The following WWOX variants were observed in gnomAD, a reference collection of about 807,000 sequenced individuals.
WWOX encodes WW domain-containing oxidoreductase.
Under a neutral mutation model 46.2 loss-of-function variants are expected in WWOX, and 69 were observed. The ratio of observed to expected loss-of-function variants is 1.49; its 90% CI spans 1.23 to 1.82. The LOEUF is 1.82. Among genes scored for constraint, WWOX ranks in the 40% most tolerant of loss-of-function variants. WWOX has a pLI of 0.00. For missense variants in WWOX, 919 were observed against 542.6 expected (o/e 1.69, Z -6.89); for synonymous variants, 359 against 202.6 (o/e 1.77, Z -6.56).
rs118028222 is a variant in WWOX at position 78,289,121 on chromosome 16, C to T, written c.517-97739C>T. 4.1e-3 allele frequency among the ~76,000 whole-genome samples: 619 copies of T among 152,226 alleles called. 5 individuals are homozygous for T. Among genetic ancestry groups the T allele is most frequent in the Non-Finnish European group, 5.9e-3 (399 of 68,010 alleles). The stretch of plus-strand genomic sequence containing the variant: ...CCTGGCTGGAAGTCTTGCTGGGAAC[C>T]TGGAGCGCTGGGAGGTAAAACTTTA... On this transcript the variant is annotated intron_variant, in intron 5 of 8. Transcript: ENST00000566780.
intron 4 of WWOX, among the ~76,000 whole-genome samples, chr16:78,161,621 T>G (rs1017699193): frequency 6.6e-6 from 1 of 152,124 alleles, no homozygotes; most frequent in African/African-American, 2.4e-5. Flanking sequence ...TATTTCTTTT[T>G]TAATTTTAAT....
At chr16:78,388,645 C>CAAA (rs59881601) in intron 6 of WWOX, among the ~76,000 whole-genome samples, 17 of 53,046 alleles carry the variant, frequency 3.2e-4, no homozygotes, top group South Asian at 2.0e-3. Flanking sequence ...GACTCCGTCT[C>CAAA]AAAAAAAAAA....
At chr16:78,817,852 C>A (rs985980854) in intron 8 of WWOX, among the ~76,000 whole-genome samples, 29 of 152,152 alleles carry the variant, frequency 1.9e-4, no homozygotes, top group Admixed American at 1.0e-3. Flanking sequence ...TGAGGTCAAG[C>A]CTTCTTATTG....
intron 8 of WWOX, chr16:79,106,783 T>C (rs1033351767): frequency 2.0e-5 from 3 of 149,060 alleles, no homozygotes; most frequent in Non-Finnish European, 3.0e-5. Flanking sequence ...CATACCCAGA[T>C]AATTTTTTTT....
chr16:78,225,814 A>G (rs1178786920), intron 5 of WWOX, among the ~76,000 whole-genome samples: 1 of 152,126 alleles, frequency 6.6e-6, no homozygotes, highest in Non-Finnish European at 1.5e-5. Context: ...ATGGCATCCC[A>G]TGTTTTAGTA....
intron 8 of WWOX, among the ~76,000 whole-genome samples, chr16:78,678,607 A>G (rs2047658313): frequency 6.6e-6 from 1 of 152,108 alleles, no homozygotes; most frequent in South Asian, 2.1e-4. Flanking sequence ...AGGCATAGGT[A>G]CAGATCTGTA....
At chr16:78,827,416 C>T (rs1398037218) in intron 8 of WWOX, among the ~76,000 whole-genome samples, 1 of 152,030 alleles carries the variant, frequency 6.6e-6, no homozygotes, top group Non-Finnish European at 1.5e-5. Flanking sequence ...TCTGTGGCTC[C>T]AGGGTCAGGT....
At chr16:78,467,389 A>G (rs926653302) in intron 8 of WWOX, among the ~76,000 whole-genome samples, 1 of 152,222 alleles carries the variant, frequency 6.6e-6, no homozygotes, top group Non-Finnish European at 1.5e-5. Context: ...AGCTTACTAT[A>G]TGCTAGAGGT....
intron 8 of WWOX, among the ~76,000 whole-genome samples, chr16:78,955,249 C>G (rs1002126565): frequency 6.6e-6 from 1 of 152,186 alleles, no homozygotes; most frequent in Non-Finnish European, 1.5e-5. Flanking sequence ...TTCAGTGCAT[C>G]TTCACAGATG....
rs1461824152 is a variant in WWOX, at chr16:79,049,496, C to T, written c.1057-162112C>T. On this transcript the variant is annotated intron_variant, in intron 8 of 8. Transcript: ENST00000566780. ...GCTGGGACACTCCACAGAGAATGATCAGGAAGGCCAAGCCCAGATGGCATT... is the reference window on the plus strand; with the variant it reads ...GCTGGGACACTCCACAGAGAATGATTAGGAAGGCCAAGCCCAGATGGCATT... Among the ~76,000 whole-genome samples, 2 of 152,234 alleles carry T rather than the reference C, an allele frequency of 1.3e-5. 1 individual carries two copies. Among genetic ancestry groups the T allele is most frequent in the South Asian group, 4.2e-4 (2 of 4,818 alleles).
At chr16:78,653,473 G>C (rs886247282) in intron 8 of WWOX, among the ~76,000 whole-genome samples, 1 of 152,322 alleles carries the variant, frequency 6.6e-6, no homozygotes, top group Non-Finnish European at 1.5e-5. Context: ...TTAGAAATAG[G>C]TATGTGACCC....
chr16:78,701,249 G>A (rs2048209750), intron 8 of WWOX, among the ~76,000 whole-genome samples: 1 of 152,090 alleles, frequency 6.6e-6, no homozygotes, highest in African/African-American at 2.4e-5. Flanking sequence ...AAGAACTAGG[G>A]ATATCTGTAT....
At chr16:79,090,266 G>C (rs972420442) in intron 8 of WWOX, among the ~76,000 whole-genome samples, 1 of 146,970 alleles carries the variant, frequency 6.8e-6, no homozygotes, top group East Asian at 2.0e-4. Flanking sequence ...CATCCTGACA[G>C]ATTCTACTGT....
At chr16:78,982,595 A>C (rs373186635) in intron 8 of WWOX, among the ~76,000 whole-genome samples, 1 of 152,164 alleles carries the variant, frequency 6.6e-6, no homozygotes, top group Non-Finnish European at 1.5e-5. Context: ...CTGCTATTGT[A>C]TGCTCTATGG....
chr16:78,704,085 C>G (rs1383834805), intron 8 of WWOX, among the ~76,000 whole-genome samples: 2 of 151,958 alleles, frequency 1.3e-5, no homozygotes, highest in Non-Finnish European at 2.9e-5. Context: ...TTTCAATTCA[C>G]TAGATGTTGT....
At chr16:78,301,958 GTT>G (rs747979480) in intron 5 of WWOX, among the ~76,000 whole-genome samples, 3 of 142,132 alleles carry the variant, frequency 2.1e-5, no homozygotes, top group Non-Finnish European at 3.1e-5. Flanking sequence ...AGATGAGGGT[GTT>G]TTTTTTTTTT....
chr16:78,440,243 A>G (rs937959025), intron 8 of WWOX, among the ~76,000 whole-genome samples: 2 of 152,212 alleles, frequency 1.3e-5, no homozygotes, highest in African/African-American at 4.8e-5. Flanking sequence ...GAGAATTGAA[A>G]TGAAAGGCAT....
chr16:78,227,929 T>A (rs1487858305), intron 5 of WWOX, among the ~76,000 whole-genome samples: 1 of 152,054 alleles, frequency 6.6e-6, no homozygotes, highest in Admixed American at 6.6e-5. Context: ...TGAACCCCAG[T>A]GCAGCCATGG....
At chr16:78,523,907 C>T (rs558829622) in intron 8 of WWOX, among the ~76,000 whole-genome samples, 2 of 152,344 alleles carry the variant, frequency 1.3e-5, no homozygotes, top group South Asian at 2.1e-4. Context: ...AACACAGCCC[C>T]ATTTTAAGAA....
Sources: allele counts gnomAD v4.1 joint callset (sites outside exome capture counted in the v4.1 genomes callset), GRCh38; gene constraint gnomAD v4.1.1; transcripts MANE v1.5; gene names NCBI Gene and HGNC (gene_info 2026-07-23, HGNC 2026-07-21).